Variants in LDLRAD1 observed in about 807,000 individuals in gnomAD.
LDLRAD1 encodes low-density lipoprotein receptor class A domain-containing protein 1.
A neutral mutation model predicts 24.8 loss-of-function variants in LDLRAD1; 17 were observed. That is an observed-to-expected ratio of 0.69 (90% CI 0.47 to 1.03). The LOEUF is 1.03. LDLRAD1 is among the 50% of genes least tolerant of loss of function. The probability of loss-of-function intolerance (pLI) is 0.00; values close to 1 mark genes in which losing one functional copy is unlikely to be tolerated. For missense variants in LDLRAD1, 277 were observed against 271.0 expected (o/e 1.02, Z -0.16); for synonymous variants, 103 against 108.2 (o/e 0.95, Z 0.30).
At chr1:54,014,103 G>T in intron 3 of LDLRAD1, 133 bp downstream of exon 3, 1 of 978,824 alleles carries the variant, frequency 1.0e-6, no homozygotes, top group Non-Finnish European at 1.5e-6. Flanking sequence ...GTGTGTGTCT[G>T]TGCATGCACC....
intron 2 of LDLRAD1, among the ~76,000 whole-genome samples, chr1:54,016,576 G>T (rs1361185804): frequency 6.6e-6 from 1 of 152,180 alleles, no homozygotes; most frequent in Non-Finnish European, 1.5e-5. Context: ...CCCATCATGA[G>T]TCAGGACTTA....
At position 54,012,184 on chromosome 1, in the gene LDLRAD1, C is replaced by A; in HGVS notation, c.299G>T (p.Arg100Leu). The part of the protein sequence containing the change: ...IPASGVCDGV[R>L]TCTHGEDEDE... ...CTCGTCCTCGCCGTGGGTACAGGTG[C>A]GAACGCCATCACAGACCCCACTGGC... Residue 100 changes from arginine (R) to leucine (L), a missense_variant, in exon 4 of 6, where the codon CGC becomes CTC. By Grantham distance (102) the Arg-to-Leu change is moderately radical (BLOSUM62 -2). Transcript: ENST00000371360. The A allele has an allele frequency of 6.2e-7, 1 of 1,614,120 alleles. No individual in the cohort carries two copies. Among genetic ancestry groups the A allele is most frequent in the Non-Finnish European group, 8.5e-7 (1 of 1,180,004 alleles).
Position 54,009,413 on chromosome 1 carries a change from T to C in LDLRAD1, c.470-283A>G, listed in dbSNP as rs529146765. On this transcript the variant is annotated intron_variant, in intron 5 of 5. Transcript: ENST00000371360. ...AAAGTCCCAGGCACACGGTAAAGAC[T>C]GCAATATGAATGGGTGCCCTTCCTT... Among the ~76,000 whole-genome samples, 13 of 152,236 alleles carry C rather than the reference T, an allele frequency of 8.5e-5. No homozygotes were observed. The South Asian group carries it at 2.7e-3, about 32-fold the overall frequency.
Position 54,009,038 on chromosome 1 carries a change from CG to C in LDLRAD1, c.561del (p.Asp188ThrfsTer34). ...CAGTCGGAGCAGTGCTGTACATGGT[CG>C]CGGCAGAGATGCCTCGGTATACAGT... ...YCDCIPRHLCRDHVQHCSDWS... is the reference protein window; with the variant it reads ...YCDCIPRHLCXDHVQHCSDWS... On this transcript the variant is annotated frameshift_variant, in exon 6 of 6. Coordinates refer to ENST00000371360, the MANE Select transcript of LDLRAD1 (RefSeq NM_001010978.4). LOFTEE classifies it high-confidence loss of function. 6.2e-7 allele frequency: 1 copy of C among 1,614,032 alleles called. No homozygotes were observed. Among genetic ancestry groups the C allele is most frequent in the Non-Finnish European group, 8.5e-7 (1 of 1,180,008 alleles).
intron 2 of LDLRAD1, 64 bp from the exon 3 acceptor site, chr1:54,014,428 G>C: frequency 6.9e-7 from 1 of 1,457,566 alleles, no homozygotes; most frequent in Non-Finnish European, 9.3e-7. Context: ...GGAACAGGGA[G>C]CTCCCTCTCC....
At chr1:54,014,427 A>C in intron 2 of LDLRAD1, 63 bp from the exon 3 acceptor site, 12 of 1,464,990 alleles carry the variant, frequency 8.2e-6, no homozygotes, top group Non-Finnish European at 1.1e-5. Context: ...AGGAACAGGG[A>C]GCTCCCTCTC....
chr1:54,013,064 C>T (rs1450838703), intron 3 of LDLRAD1, among the ~76,000 whole-genome samples: 5 of 151,780 alleles, frequency 3.3e-5, no homozygotes, highest in African/African-American at 9.7e-5. Context: ...GGGGAGGCGG[C>T]GGGGGGGAGC....
intron 4 of LDLRAD1, among the ~76,000 whole-genome samples, chr1:54,011,006 A>G (rs1249114397): frequency 6.6e-6 from 1 of 152,198 alleles, no homozygotes; most frequent in Non-Finnish European, 1.5e-5. Flanking sequence ...TCTGTTCGTT[A>G]GACTGCCCAG....
intron 4 of LDLRAD1, among the ~76,000 whole-genome samples, chr1:54,011,646 C>T (rs1055163445): frequency 2.6e-5 from 4 of 152,144 alleles, no homozygotes; most frequent in East Asian, 3.9e-4. Flanking sequence ...TTCATTCATT[C>T]GCTCATTCAT....
chr1:54,012,104 G>T (rs1158080897), intron 4 of LDLRAD1, 39 bp downstream of exon 4: 1 of 1,609,048 alleles, frequency 6.2e-7, no homozygotes, highest in South Asian at 1.1e-5. Flanking sequence ...CGGAGTGTGG[G>T]GGAACCCCTG....
chr1:54,015,945 A>G (rs980246004), intron 2 of LDLRAD1, among the ~76,000 whole-genome samples: 2 of 152,062 alleles, frequency 1.3e-5, no homozygotes, highest in African/African-American at 2.4e-5. Context: ...GTGAGCCACC[A>G]CACCGGCCTG....
At chr1:54,009,862 C>G (rs986812318) in intron 5 of LDLRAD1, among the ~76,000 whole-genome samples, 2 of 152,196 alleles carry the variant, frequency 1.3e-5, no homozygotes, top group Non-Finnish European at 2.9e-5. Context: ...TCCTGTCACA[C>G]ATTGTACTAA....
chr1:54,009,516 G>A (rs1370089655), intron 5 of LDLRAD1, among the ~76,000 whole-genome samples: 4 of 152,132 alleles, frequency 2.6e-5, no homozygotes, highest in South Asian at 4.2e-4. Flanking sequence ...TCAGGCCTCC[G>A]GCATTCCTCC....
intron 2 of LDLRAD1, among the ~76,000 whole-genome samples, chr1:54,016,146 G>A (rs1040847672): frequency 4.6e-5 from 7 of 152,154 alleles, no homozygotes; most frequent in Non-Finnish European, 7.3e-5. Flanking sequence ...GGCAGAGGGC[G>A]TGGCAGGAGT....
chr1:54,018,047 ACAG>A, intron 1 of LDLRAD1, 42 bp downstream of exon 1: 1 of 1,522,472 alleles, frequency 6.6e-7, no homozygotes, highest in Admixed American at 1.7e-5. Flanking sequence ...TCACTTGGGG[ACAG>A]CTCTTACTTG....
At chr1:54,012,006 G>T in intron 4 of LDLRAD1, 137 bp downstream of exon 4, 2 of 992,350 alleles carry the variant, frequency 2.0e-6, no homozygotes, top group South Asian at 1.6e-5. Flanking sequence ...CCAGGTCGGG[G>T]CAGGTGTTCC....
Position 54,007,748 on chromosome 1 carries a change from G to A in LDLRAD1, c.*1234C>T, listed in dbSNP as rs1655876850. The A allele has an allele frequency of 6.6e-6, 1 of 152,262 alleles. No individual in the cohort carries two copies. The highest frequency in any genetic ancestry group is 1.5e-5 in the Non-Finnish European group (1 of 68,104). The allele number at this position is 152,262 out of a possible 1,614,324, so 9.4% of individuals were successfully genotyped here. On this transcript the variant is annotated 3_prime_UTR_variant, in exon 6 of 6. Coordinates refer to ENST00000371360, the MANE Select transcript of LDLRAD1 (RefSeq NM_001010978.4). ...AGGCATGAGCCAGTGCACCTGACAA[G>A]CTCACTTTTAAAATACCCCGCAGAG...
chr1:54,014,369 G>A lies in LDLRAD1; in HGVS notation c.74-5C>T. 1.3e-6 allele frequency: 2 copies of A among 1,531,050 alleles called. No homozygotes were observed. Among genetic ancestry groups the A allele is most frequent in the Non-Finnish European group, 1.8e-6 (2 of 1,136,750 alleles). The allele number at this position is 1,531,050 out of a possible 1,614,324, so 94.8% of individuals were successfully genotyped here. ...AGCAGAGGTGGCCGCCGCCTGCTGT[G>A]TGGGGGGGAAACAAGCCCGGGGGTG... On this transcript the variant is annotated splice_region_variant and splice_polypyrimidine_tract_variant and intron_variant, in intron 2 of 5. Transcript: ENST00000371360.
chr1:54,017,783 C>T (rs1243828299), intron 1 of LDLRAD1, among the ~76,000 whole-genome samples: 1 of 152,142 alleles, frequency 6.6e-6, no homozygotes, highest in Non-Finnish European at 1.5e-5. Context: ...TGTTTCCATA[C>T]CAGCACTTGC....
Sources: allele counts gnomAD v4.1 joint callset (sites outside exome capture counted in the v4.1 genomes callset), GRCh38; gene constraint gnomAD v4.1.1; transcripts MANE v1.5; gene names NCBI Gene and HGNC (gene_info 2026-07-23, HGNC 2026-07-21).